ASIC2: variants seen among roughly 807,000 people sequenced by gnomAD.
ASIC2 encodes acid sensing ion channel subunit 2.
Under a neutral mutation model 57.3 loss-of-function variants are expected in ASIC2, and 25 were observed. The observed-to-expected ratio is 0.44, with a 90% CI of 0.32 to 0.61. The LOEUF is 0.61. Ranked by LOEUF, ASIC2 falls within the 20% of genes least tolerant of loss-of-function variation. The probability of loss-of-function intolerance (pLI) is 0.06; values close to 1 mark genes in which losing one functional copy is unlikely to be tolerated. For synonymous variants in ASIC2, 319 were observed against 307.5 expected (o/e 1.04, Z -0.39); for missense variants, 641 against 738.1 (o/e 0.87, Z 1.52).
intron 1 of ASIC2, among the ~76,000 whole-genome samples, chr17:34,086,101 T>G (rs1910103847): frequency 6.7e-6 from 1 of 149,568 alleles, no homozygotes; most frequent in South Asian, 2.1e-4. Context: ...TGTTTGCTCT[T>G]GCTTTTCTAG....
chr17:33,373,358 C>T (rs988822586), intron 1 of ASIC2, among the ~76,000 whole-genome samples: 2 of 152,220 alleles, frequency 1.3e-5, no homozygotes, highest in Non-Finnish European at 1.5e-5. Flanking sequence ...CATTCCTGGG[C>T]ATAGGCCCAT....
intron 1 of ASIC2, among the ~76,000 whole-genome samples, chr17:33,963,760 G>A (rs1324663595): frequency 6.6e-6 from 1 of 152,140 alleles, no homozygotes; most frequent in East Asian, 1.9e-4. Context: ...TCACAAACAT[G>A]AGTCTTTAGT....
intron 1 of ASIC2, among the ~76,000 whole-genome samples, chr17:34,066,073 C>G (rs532761043): frequency 6.6e-6 from 1 of 152,112 alleles, no homozygotes; most frequent in Non-Finnish European, 1.5e-5. Flanking sequence ...AATTTGAGAC[C>G]AGGGGCCTGA....
At chr17:33,444,449 C>T (rs183280862) in intron 1 of ASIC2, among the ~76,000 whole-genome samples, 1 of 152,186 alleles carries the variant, frequency 6.6e-6, no homozygotes. Flanking sequence ...GGGTGCAGAG[C>T]AGTGGAGGCA....
intron 1 of ASIC2, among the ~76,000 whole-genome samples, chr17:34,029,093 A>G (rs890423433): frequency 6.6e-6 from 1 of 152,100 alleles, no homozygotes; most frequent in Non-Finnish European, 1.5e-5. Flanking sequence ...CACAACACCA[A>G]TTAGTTACAA....
At chr17:33,212,134 C>T (rs1402394148) in intron 1 of ASIC2, among the ~76,000 whole-genome samples, 1 of 152,176 alleles carries the variant, frequency 6.6e-6, no homozygotes, top group African/African-American at 2.4e-5. Context: ...GAGTGGTAGG[C>T]TGGATAACTG....
chr17:33,602,579 T>C (rs749755309), intron 1 of ASIC2, among the ~76,000 whole-genome samples: 1 of 152,208 alleles, frequency 6.6e-6, no homozygotes, highest in African/African-American at 2.4e-5. Flanking sequence ...TCTGTGGTAC[T>C]GTTATAGCAG....
At chr17:33,801,928 G>A (rs938956947) in intron 1 of ASIC2, among the ~76,000 whole-genome samples, 3 of 152,160 alleles carry the variant, frequency 2.0e-5, no homozygotes, top group Non-Finnish European at 2.9e-5. Context: ...AGAACTGGAC[G>A]AGAGGGAGGT....
chr17:33,176,498 C>A (rs933585241), intron 1 of ASIC2, among the ~76,000 whole-genome samples: 14 of 152,070 alleles, frequency 9.2e-5, no homozygotes, highest in African/African-American at 3.1e-4. Flanking sequence ...CACCACCATG[C>A]CCAGCTAAGT....
At chr17:33,539,023 A>G (rs1229022691) in intron 1 of ASIC2, among the ~76,000 whole-genome samples, 1 of 152,196 alleles carries the variant, frequency 6.6e-6, no homozygotes, top group East Asian at 1.9e-4. Flanking sequence ...TCCCATTTGC[A>G]GTTGAAGAGA....
chr17:33,299,059 T>A (rs1484625477), intron 1 of ASIC2, among the ~76,000 whole-genome samples: 1 of 152,338 alleles, frequency 6.6e-6, no homozygotes, highest in African/African-American at 2.4e-5. Context: ...AAGCTACCAA[T>A]GACTTTATTC....
At chr17:33,984,392 T>G (rs534755814) in intron 1 of ASIC2, 28 of 152,326 alleles carry the variant, frequency 1.8e-4, no homozygotes, top group African/African-American at 6.0e-4. Flanking sequence ...TTATCAAGTG[T>G]CAACACATAT....
intron 1 of ASIC2, among the ~76,000 whole-genome samples, chr17:33,903,575 C>T (rs186784204): frequency 1.3e-5 from 2 of 152,304 alleles, no homozygotes; most frequent in African/African-American, 4.8e-5. Context: ...CCCAGAATCT[C>T]CCAGTTTATT....
chr17:33,363,864 C>T (rs1908706435), intron 1 of ASIC2, among the ~76,000 whole-genome samples: 1 of 152,196 alleles, frequency 6.6e-6, no homozygotes, highest in South Asian at 2.1e-4. Context: ...GCACTCCCTC[C>T]CTCCTCTCAC....
intron 1 of ASIC2, chr17:33,936,865 C>T (rs1916076527): frequency 6.6e-6 from 1 of 152,328 alleles, no homozygotes; most frequent in African/African-American, 2.4e-5. Context: ...GCCTCAGTTT[C>T]CTCATGTGTA....
chr17:33,703,383 T>C (rs966273105), intron 1 of ASIC2, among the ~76,000 whole-genome samples: 52 of 152,016 alleles, frequency 3.4e-4, no homozygotes, highest in African/African-American at 1.3e-3. Flanking sequence ...GGTCTGGCTC[T>C]GTCACCCAGG....
chr17:33,613,457 C>T (rs763560803), intron 1 of ASIC2, among the ~76,000 whole-genome samples: 5 of 151,472 alleles, frequency 3.3e-5, no homozygotes, highest in African/African-American at 4.8e-5. Flanking sequence ...CTCCGCCTTC[C>T]GGATTCACAC....
At chr17:33,063,945 A>G (rs1316280430) in intron 3 of ASIC2, among the ~76,000 whole-genome samples, 3 of 152,080 alleles carry the variant, frequency 2.0e-5, no homozygotes, top group Non-Finnish European at 4.4e-5. Flanking sequence ...CTTCCAGTTG[A>G]TCGAATCGGT....
intron 1 of ASIC2, among the ~76,000 whole-genome samples, chr17:33,215,789 C>T (rs1257606518): frequency 6.6e-6 from 1 of 151,908 alleles, no homozygotes; most frequent in African/African-American, 2.4e-5. Context: ...AGGCTCCGCC[C>T]CCCGGGTTCA....
Sources: gnomAD v4.1 joint callset for allele counts (sites outside exome capture counted in the v4.1 genomes callset) on GRCh38, gnomAD v4.1.1 for gene constraint, MANE v1.5 for transcripts, NCBI Gene and HGNC (gene_info 2026-07-23, HGNC 2026-07-21) for gene names.